The following VEPH1 variants were observed in gnomAD, a reference collection of about 807,000 sequenced individuals.
VEPH1 encodes ventricular zone expressed PH domain containing 1.
In VEPH1, 80 loss-of-function variants were observed where a neutral mutation model predicts 85.2. That is an observed-to-expected ratio of 0.94 (90% CI 0.78 to 1.13). The LOEUF (loss-of-function observed/expected upper bound fraction) is 1.13, where lower values mean the gene tolerates loss of function less well. VEPH1 is among the 50% of genes most tolerant of loss of function. The probability of loss-of-function intolerance (pLI) is 0.00; values close to 1 mark genes in which losing one functional copy is unlikely to be tolerated. For synonymous variants in VEPH1, 297 were observed against 348.0 expected (o/e 0.85, Z 1.63); for missense variants, 955 against 980.5 (o/e 0.97, Z 0.35).
intron 3 of VEPH1, among the ~76,000 whole-genome samples, chr3:157,468,511 G>A (rs1222693271): frequency 4.6e-5 from 7 of 152,044 alleles, no homozygotes; most frequent in African/African-American, 1.7e-4. Flanking sequence ...GGAGGCGGAG[G>A]TTGCAGTGAG....
rs1275002758 is a variant in VEPH1, at chr3:157,414,001, T to C, written c.786A>G (p.Ala262=). The change falls in exon 6 of 14, where the codon GCA becomes GCG. Residue 262 remains alanine, a synonymous_variant. Coordinates refer to ENST00000362010, the MANE Select transcript of VEPH1 (RefSeq NM_001167912.2). ...TGTTCAAAGCCACTGGCTCATAGAC[T>C]GCTATCTCTATGAGGATGTTTAGGA... ...DIILNILIEI[A]VYEPVALNSF... 6.2e-7 allele frequency: 1 copy of C among 1,613,064 alleles called. No individual in the cohort carries two copies. The highest frequency in any genetic ancestry group is 8.5e-7 in the Non-Finnish European group (1 of 1,179,218).
intron 6 of VEPH1, chr3:157,409,653 T>C (rs1731394315): frequency 1.0e-6 from 1 of 985,310 alleles, no homozygotes; most frequent in Non-Finnish European, 1.2e-6. Context: ...ATTGTGATGC[T>C]GCTATCAAGC....
intron 4 of VEPH1, among the ~76,000 whole-genome samples, chr3:157,447,806 C>G (rs7617632): frequency 0.18 from 26,647 of 151,600 alleles, 4,811 homozygotes; most frequent in African/African-American, 0.45. Context: ...TGTTGGCCAG[C>G]CTGGTCTTGA....
At chr3:157,376,468 G>A (rs1728119852) in intron 7 of VEPH1, among the ~76,000 whole-genome samples, 1 of 152,190 alleles carries the variant, frequency 6.6e-6, no homozygotes, top group South Asian at 2.1e-4. Context: ...GTATTGAAAG[G>A]TATAGATCTC....
intron 11 of VEPH1, among the ~76,000 whole-genome samples, chr3:157,296,691 C>T (rs1038981089): frequency 3.9e-5 from 6 of 152,206 alleles, no homozygotes; most frequent in Admixed American, 3.3e-4. Flanking sequence ...ATTATTACAG[C>T]ATAGGCTAAG....
In VEPH1 at chr3:157,381,157, T is replaced by C; in HGVS notation, c.1126A>G (p.Arg376Gly). 6.2e-7 allele frequency: 1 copy of C among 1,613,098 alleles called. No homozygotes were observed. The highest frequency in any genetic ancestry group is 8.5e-7 in the Non-Finnish European group (1 of 1,179,982). ...AGGTACACAGAAGCTCTTGCTCACC[T>C]GCCACTTCCAGCCTTGGTATTTTCC... Reference protein sequence around the residue: ...QLENTKAGSGRRKISTEIEFP... With the variant: ...QLENTKAGSGGRKISTEIEFP... The change falls in exon 7 of 14, where the codon AGG (arginine) becomes GGG (glycine). Residue 376 changes from arginine (R) to glycine (G), a missense_variant and splice_region_variant. By Grantham distance (125) the Arg-to-Gly change is moderately radical. Transcript: ENST00000362010.
At chr3:157,359,292 G>C (rs1725783642) in intron 9 of VEPH1, among the ~76,000 whole-genome samples, 1 of 152,162 alleles carries the variant, frequency 6.6e-6, no homozygotes, top group African/African-American at 2.4e-5. Context: ...ATAAATGAAT[G>C]CCAATGATTC....
At chr3:157,331,233 C>T (rs1722467053) in intron 9 of VEPH1, among the ~76,000 whole-genome samples, 1 of 152,156 alleles carries the variant, frequency 6.6e-6, no homozygotes, top group Non-Finnish European at 1.5e-5. Context: ...TCCCACAGGC[C>T]ACAGTGTAAG....
At chr3:157,264,101 TA>T (rs1713280425) in intron 13 of VEPH1, among the ~76,000 whole-genome samples, 1 of 152,218 alleles carries the variant, frequency 6.6e-6, no homozygotes, top group African/African-American at 2.4e-5. Context: ...TCATGCAATC[TA>T]TTGGGGACCT....
At chr3:157,265,759 T>C in intron 12 of VEPH1, 97 bp from the exon 13 acceptor site, 2 of 1,273,310 alleles carry the variant, frequency 1.6e-6, no homozygotes, top group Non-Finnish European at 2.1e-6. Context: ...AGAACCCAGT[T>C]AGCACACCTG....
chr3:157,380,830 T>G (rs1167741896), intron 7 of VEPH1, among the ~76,000 whole-genome samples: 18 of 152,376 alleles, frequency 1.2e-4, no homozygotes. Flanking sequence ...TGATACATAG[T>G]AAGCTATGTT....
intron 2 of VEPH1, among the ~76,000 whole-genome samples, chr3:157,485,589 A>G (rs189066287): frequency 1.8e-3 from 268 of 152,208 alleles, no homozygotes; most frequent in Non-Finnish European, 2.8e-3. Context: ...AAATTTTCAG[A>G]AAAAATATAA....
intron 9 of VEPH1, among the ~76,000 whole-genome samples, chr3:157,341,283 A>T (rs771644222): frequency 3.3e-5 from 5 of 152,190 alleles, no homozygotes; most frequent in Non-Finnish European, 5.9e-5. Context: ...TTGAAAAAAG[A>T]TTAGACGAAG....
chr3:157,433,569 A>C (rs1345402801), intron 4 of VEPH1, among the ~76,000 whole-genome samples: 5 of 152,182 alleles, frequency 3.3e-5, no homozygotes, highest in Admixed American at 6.5e-5. Context: ...TGCTTATGAT[A>C]TATTTTTATG....
chr3:157,448,501 A>G (rs1468068647), intron 4 of VEPH1, among the ~76,000 whole-genome samples: 2 of 152,224 alleles, frequency 1.3e-5, no homozygotes, highest in African/African-American at 4.8e-5. Flanking sequence ...AAATTTTAAA[A>G]GGGCTTCCCT....
intron 6 of VEPH1, among the ~76,000 whole-genome samples, chr3:157,384,887 T>C (rs1729128779): frequency 6.6e-6 from 1 of 152,198 alleles, no homozygotes; most frequent in South Asian, 2.1e-4. Flanking sequence ...TTTTCCTGCT[T>C]TCAGTCACCC....
chr3:157,500,444 G>A lies in VEPH1; in HGVS notation c.-158+2833C>T, dbSNP rs112450781. Among the ~76,000 whole-genome samples, 1,008 of 152,276 alleles carry A rather than the reference G, an allele frequency of 6.6e-3. 14 individuals are homozygous for A. The highest frequency in any genetic ancestry group is 0.023 in the African/African-American group (942 of 41,538). On this transcript the variant is annotated intron_variant, in intron 1 of 13. Transcript: ENST00000362010. ...GGTCAGGGTGGCCACAGTTAAACCA[G>A]GTCATATGTTCCAGGAGAACGACCT...
chr3:157,324,527 T>A (rs1043100151), intron 9 of VEPH1, among the ~76,000 whole-genome samples: 3 of 152,178 alleles, frequency 2.0e-5, no homozygotes, highest in Admixed American at 2.0e-4. Context: ...CAGTATGTGT[T>A]GCTTCCCTCT....
Position 157,363,597 on chromosome 3 carries a change from G to T in VEPH1, c.1502C>A (p.Ser501Ter), listed in dbSNP as rs59504298. 6.2e-7 allele frequency: 1 copy of T among 1,614,142 alleles called. No homozygotes were observed. Among genetic ancestry groups the T allele is most frequent in the Admixed American group, 1.7e-5 (1 of 60,020 alleles). The change falls in exon 9 of 14, where the codon TCA becomes TAA. Residue 501 changes from serine to a stop codon, truncating the protein, a stop_gained. Coordinates refer to ENST00000362010, the MANE Select transcript of VEPH1 (RefSeq NM_001167912.2). LOFTEE classifies it high-confidence loss of function. ...KLPFKTDTER[S>*]QLGESSVSYP... ...TGAAACTGAAGACTCCCCCAGCTGT[G>T]ATCTCTCAGTGTCTGTCTTAAACGG...
Sources: allele counts gnomAD v4.1 joint callset (sites outside exome capture counted in the v4.1 genomes callset), GRCh38; gene constraint gnomAD v4.1.1; transcripts MANE v1.5; gene names NCBI Gene and HGNC (gene_info 2026-07-23, HGNC 2026-07-21).